Variants in SMS observed in about 807,000 individuals in gnomAD.
SMS encodes spermine synthase.
A neutral mutation model predicts 33.0 loss-of-function variants in SMS; 3 were observed. That is an observed-to-expected ratio of 0.09 (90% CI 0.04 to 0.23). The LOEUF (loss-of-function observed/expected upper bound fraction) is 0.23. Ranked by LOEUF, SMS falls within the 10% of genes least tolerant of loss-of-function variation. The pLI, the probability that SMS is intolerant of heterozygous loss-of-function variation, is 1.00. For missense variants in SMS, 117 were observed against 288.6 expected (o/e 0.41, Z 4.31); for synonymous variants, 103 against 112.2 (o/e 0.92, Z 0.52).
At chrX:21,970,485 T>C (rs917665113) in intron 2 of SMS, among the ~76,000 whole-genome samples, 2 of 112,091 alleles carry the variant, frequency 1.8e-5, no homozygotes, top group East Asian at 5.6e-4. Flanking sequence ...CATTCTGGTG[T>C]AGAAGAGTTT....
At chrX:21,948,439 CTTTTTT>C (rs59082770) in intron 1 of SMS, among the ~76,000 whole-genome samples, 7 of 80,167 alleles carry the variant, frequency 8.7e-5, no homozygotes, top group Middle Eastern at 6.8e-3. Context: ...GTCAATGTGT[CTTTTTT>C]TTTTTTTTTT....
chrX:21,982,524 C>T (rs1471656604), intron 7 of SMS, among the ~76,000 whole-genome samples: 3 of 111,557 alleles, frequency 2.7e-5, no homozygotes, highest in Admixed American at 9.6e-5. Context: ...CTATCAAAAC[C>T]GGAACACACG....
At chrX:21,951,090 C>T (rs1390385020) in intron 1 of SMS, among the ~76,000 whole-genome samples, 1 of 112,155 alleles carries the variant, frequency 8.9e-6, no homozygotes, top group African/African-American at 3.2e-5. Context: ...TATTTCTCCA[C>T]ACCTCTCCAG....
chrX:21,958,360 T>C (rs183985870), intron 1 of SMS, among the ~76,000 whole-genome samples: 1 of 112,630 alleles, frequency 8.9e-6, no homozygotes, highest in East Asian at 2.8e-4. Flanking sequence ...GAAACCAACT[T>C]CTGAGTCTTC....
intron 4 of SMS, among the ~76,000 whole-genome samples, chrX:21,973,508 C>T (rs1265464486): frequency 1.8e-5 from 2 of 112,952 alleles, no homozygotes; most frequent in African/African-American, 3.2e-5. Context: ...CTCCTTCAGG[C>T]TCTAGGCCCC....
chrX:21,952,410 T>TTTCACG (rs1310872712), intron 1 of SMS, among the ~76,000 whole-genome samples: 1 of 57,416 alleles, frequency 1.7e-5, no homozygotes, highest in African/African-American at 1.6e-4. Flanking sequence ...GATCACGTTG[T>TTTCACG]TTGTTTGTTT....
At chrX:21,951,254 G>A (rs780026054) in intron 1 of SMS, among the ~76,000 whole-genome samples, 1 of 112,432 alleles carries the variant, frequency 8.9e-6, no homozygotes, top group East Asian at 2.8e-4. Flanking sequence ...CTTTTCAGAA[G>A]TGTCTGTTCA....
At chrX:21,942,608 A>G (rs924280260) in intron 1 of SMS, among the ~76,000 whole-genome samples, 5 of 111,136 alleles carry the variant, frequency 4.5e-5, no homozygotes, top group Non-Finnish European at 9.4e-5. Flanking sequence ...TAGAGATGAA[A>G]TGGTGCTTGA....
intron 1 of SMS, among the ~76,000 whole-genome samples, chrX:21,960,734 T>C (rs754424797): frequency 3.6e-5 from 4 of 111,865 alleles, no homozygotes; most frequent in Non-Finnish European, 5.6e-5. Context: ...CTGTGGAATC[T>C]GATGGCTCTG....
chrX:21,994,194 G>A, intron 10 of SMS, 118 bp from the exon 11 acceptor site: 8 of 687,653 alleles, frequency 1.2e-5, no homozygotes, highest in Non-Finnish European at 1.9e-5. Context: ...CATTCCCACA[G>A]TGCTCTAAGC....
intron 9 of SMS, among the ~76,000 whole-genome samples, chrX:21,990,257 A>G (rs963761304): frequency 2.7e-5 from 3 of 112,354 alleles, no homozygotes; most frequent in African/African-American, 9.7e-5. Flanking sequence ...CTATGTTCAC[A>G]GCGCTGTACT....
At chrX:21,967,613 G>C (rs1923830641) in intron 2 of SMS, among the ~76,000 whole-genome samples, 2 of 111,849 alleles carry the variant, frequency 1.8e-5, no homozygotes, top group Non-Finnish European at 3.8e-5. Flanking sequence ...AGGCAGCCCA[G>C]GAAAAGTTTT....
chrX:21,985,801 C>T (rs1391034587), intron 9 of SMS, among the ~76,000 whole-genome samples: 1 of 111,278 alleles, frequency 9.0e-6, no homozygotes, highest in Non-Finnish European at 1.9e-5. Flanking sequence ...AAATCCCCTC[C>T]GCCATTTTTT....
chrX:21,952,571 A>G (rs755117473), intron 1 of SMS, among the ~76,000 whole-genome samples: 16 of 110,616 alleles, frequency 1.4e-4, no homozygotes, highest in African/African-American at 4.6e-4. Flanking sequence ...ATATTGGTCC[A>G]TAGATTTCTT....
chrX:21,941,767 C>T (rs1921799382), intron 1 of SMS, among the ~76,000 whole-genome samples: 1 of 106,828 alleles, frequency 9.4e-6, no homozygotes, highest in Non-Finnish European at 1.9e-5. Flanking sequence ...CGCCTGTAAT[C>T]CCAGCTACTC....
rs1051901059 is a variant in SMS at position 21,948,055 on chromosome X, A to G, written c.49+7182A>G. Among the ~76,000 whole-genome samples the G allele has an allele frequency of 7.1e-4, 79 of 111,430 alleles. 1 individual carries two copies. Among genetic ancestry groups the G allele is most frequent in the African/African-American group, 2.3e-3 (70 of 30,661 alleles). On this transcript the variant is annotated intron_variant, in intron 1 of 10. Transcript: ENST00000404933. Reference sequence around the variant, plus strand: ...CAAAAGATTCTTAATTGCACAGGTTATGCTCTATATGACTCCAGGCTGAAT... The same window carrying G: ...CAAAAGATTCTTAATTGCACAGGTTGTGCTCTATATGACTCCAGGCTGAAT...
In SMS at chrX:21,994,304, C is replaced by T. The variant is rs769022442; in HGVS notation, c.1062-8C>T. ...TTACCTGCTTTTATTCCTTGACTCCCTGTCCAGGTGGGTATTTTACACTGT... is the reference window on the plus strand; with the variant it reads ...TTACCTGCTTTTATTCCTTGACTCCTTGTCCAGGTGGGTATTTTACACTGT... On this transcript the variant is annotated splice_region_variant and splice_polypyrimidine_tract_variant and intron_variant, in intron 10 of 10. Transcript: ENST00000404933. The T allele has an allele frequency of 8.3e-7, 1 of 1,205,464 alleles. No homozygotes were observed. The highest frequency in any genetic ancestry group is 1.1e-6 in the Non-Finnish European group (1 of 889,911).
chrX:21,955,066 C>A (rs898159300), intron 1 of SMS, among the ~76,000 whole-genome samples: 1 of 111,380 alleles, frequency 9.0e-6, no homozygotes, highest in African/African-American at 3.3e-5. Context: ...GAACTCCTGA[C>A]CTCAAATGAT....
chrX:21,966,773 T>C (rs1923751543), intron 1 of SMS, among the ~76,000 whole-genome samples: 1 of 112,340 alleles, frequency 8.9e-6, no homozygotes, highest in Non-Finnish European at 1.9e-5. Flanking sequence ...TCTAGTACCA[T>C]GTGTCCTCAT....
Sources: gnomAD v4.1 joint callset for allele counts (sites outside exome capture counted in the v4.1 genomes callset) on GRCh38, gnomAD v4.1.1 for gene constraint, MANE v1.5 for transcripts, NCBI Gene and HGNC (gene_info 2026-07-23, HGNC 2026-07-21) for gene names.